Variants in NOVA1 observed in about 807,000 individuals in gnomAD.
NOVA1 encodes NOVA alternative splicing regulator 1, also known as RNA-binding protein Nova-1.
Under a neutral mutation model 38.0 loss-of-function variants are expected in NOVA1, and 7 were observed. The observed-to-expected ratio is 0.18, with a 90% CI of 0.10 to 0.35. NOVA1 has a LOEUF of 0.35. Among genes scored for constraint, NOVA1 ranks in the 10% least tolerant of loss-of-function variants. The pLI is 1.00. For synonymous variants in NOVA1, 270 were observed against 232.5 expected (o/e 1.16, Z -1.47); for missense variants, 460 against 616.0 (o/e 0.75, Z 2.68).
intron 2 of NOVA1, among the ~76,000 whole-genome samples, chr14:26,527,618 T>C (rs73601927): frequency 0.024 from 3,688 of 152,198 alleles, 139 homozygotes; most frequent in African/African-American, 0.085. Flanking sequence ...CTGGAGCCTA[T>C]AGCTAGGGGT....
Position 26,472,758 on chromosome 14 carries a change from A to T in NOVA1, c.448-367T>A, listed in dbSNP as rs2138258015. On this transcript the variant is annotated intron_variant, in intron 3 of 4. Transcript: ENST00000539517. ...AAAAATTCAAGAAGTTCAATGAATA[A>T]AACCAAAAGAGTCACTTTCCTATCG... 2.0e-5 allele frequency among the ~76,000 whole-genome samples: 3 copies of T among 152,142 alleles called. 1 individual carries two copies. The Middle Eastern group carries it at 0.01, about 517-fold the overall frequency.
At chr14:26,517,501 T>C (rs1888556113) in intron 2 of NOVA1, among the ~76,000 whole-genome samples, 1 of 152,166 alleles carries the variant, frequency 6.6e-6, no homozygotes, top group Non-Finnish European at 1.5e-5. Context: ...TTCAGGTACC[T>C]GAACATGTAA....
At chr14:26,452,636 T>A (rs996203252) in intron 4 of NOVA1, among the ~76,000 whole-genome samples, 1 of 152,144 alleles carries the variant, frequency 6.6e-6, no homozygotes, top group African/African-American at 2.4e-5. Flanking sequence ...CTGAGAAAAA[T>A]ACACATATTC....
intron 2 of NOVA1, among the ~76,000 whole-genome samples, chr14:26,495,807 C>G (rs1250250973): frequency 7.0e-6 from 1 of 143,428 alleles, no homozygotes; most frequent in Non-Finnish European, 1.5e-5. Context: ...TCATCCATGT[C>G]CCTACAAAGG....
At chr14:26,529,068 C>T (rs76154415) in intron 2 of NOVA1, among the ~76,000 whole-genome samples, 6,248 of 152,008 alleles carry the variant, frequency 0.041, 189 homozygotes, top group South Asian at 0.097. Context: ...TACTAGGAGG[C>T]ATATTTGCTC....
At chr14:26,527,310 A>G (rs1293788068) in intron 2 of NOVA1, among the ~76,000 whole-genome samples, 1 of 152,050 alleles carries the variant, frequency 6.6e-6, no homozygotes, top group African/African-American at 2.4e-5. Flanking sequence ...CAGGCTGTAC[A>G]AGTCTCACAT....
chr14:26,463,907 T>C (rs1192101725), intron 4 of NOVA1, among the ~76,000 whole-genome samples: 2 of 152,202 alleles, frequency 1.3e-5, no homozygotes, highest in African/African-American at 4.8e-5. Context: ...ATTACACTTA[T>C]ACATTACTCT....
rs12897799 is a variant in NOVA1, at chr14:26,576,217, G to C, written c.280+19193C>G. On this transcript the variant is annotated intron_variant, in intron 2 of 4. Transcript: ENST00000539517. ...ATTTTAAGCTAACTGTGTCTTCTAA[G>C]AATGATAGATTTTATTTTTATATAA... Among the ~76,000 whole-genome samples the C allele has an allele frequency of 5.3e-5, 8 of 151,302 alleles. No individual in the cohort carries two copies. The East Asian group carries it at 1.4e-3, about 26-fold the overall frequency.
At chr14:26,597,277 C>T in intron 1 of NOVA1, 24 bp downstream of exon 1, 3 of 1,230,156 alleles carry the variant, frequency 2.4e-6, no homozygotes, top group Non-Finnish European at 3.1e-6. Context: ...ATGGGGCCAG[C>T]GGGGAGGTGG....
chr14:26,565,950 TG>T (rs1375941071), intron 2 of NOVA1, among the ~76,000 whole-genome samples: 4 of 152,030 alleles, frequency 2.6e-5, no homozygotes, highest in African/African-American at 9.7e-5. Flanking sequence ...GGTATTTAAA[TG>T]AGGAGAAAGA....
intron 2 of NOVA1, among the ~76,000 whole-genome samples, chr14:26,485,198 A>AT (rs549501056): frequency 2.1e-4 from 32 of 150,008 alleles, no homozygotes; most frequent in East Asian, 9.8e-4. Context: ...CTCAACAAGT[A>AT]TTTTTTTTTT....
At chr14:26,454,685 CTTT>C (rs1271581360) in intron 4 of NOVA1, among the ~76,000 whole-genome samples, 1 of 152,062 alleles carries the variant, frequency 6.6e-6, no homozygotes, top group Non-Finnish European at 1.5e-5. Flanking sequence ...TTTTTACATT[CTTT>C]TTATATCATG....
At chr14:26,525,543 A>C (rs1352636163) in intron 2 of NOVA1, among the ~76,000 whole-genome samples, 1 of 152,162 alleles carries the variant, frequency 6.6e-6, no homozygotes, top group Non-Finnish European at 1.5e-5. Context: ...TCTGAAAGTT[A>C]TTTATGAACT....
intron 2 of NOVA1, among the ~76,000 whole-genome samples, chr14:26,586,787 T>A (rs1893540946): frequency 6.6e-6 from 1 of 151,124 alleles, no homozygotes; most frequent in Non-Finnish European, 1.5e-5. Context: ...TAACCTATGA[T>A]ATCCTTTTCT....
At chr14:26,582,045 A>T (rs181532918) in intron 2 of NOVA1, among the ~76,000 whole-genome samples, 8 of 152,010 alleles carry the variant, frequency 5.3e-5, no homozygotes, top group African/African-American at 1.9e-4. Flanking sequence ...ATTTAAAAAC[A>T]ACACAATCCC....
In NOVA1 at chr14:26,481,988, T is replaced by TTAAAAAAA. The variant is rs922159329; in HGVS notation, c.281-1846_281-1845insTTTTTTTA. Among the ~76,000 whole-genome samples, 27 of 105,982 alleles carry TTAAAAAAA rather than the reference T, an allele frequency of 2.5e-4. 1 individual carries two copies. Among genetic ancestry groups the TTAAAAAAA allele is most frequent in the South Asian group, 5.4e-4 (2 of 3,676 alleles). 69.5% of individuals were successfully genotyped at this position (105,982 alleles called of 152,430 possible). A position where few individuals can be genotyped will look rare whatever the true frequency, so the allele number is the denominator to read the frequency against. On this transcript the variant is annotated intron_variant, in intron 2 of 4. Coordinates refer to ENST00000539517, the MANE Select transcript of NOVA1 (RefSeq NM_002515.3). ...CAAAACAGTCTAACTTAGATAGAGA[T>TTAAAAAAA]AAAAAAAAAAAAAAAAAAAAAAAAA...
rs528183557 is a variant in NOVA1 at position 26,496,811 on chromosome 14, C to T, written c.281-16668G>A. ...CAAAGATCAGATAGTTGTAGATATG[C>T]GGCGTTATTTCTGAGGGCTCTGTTC... On this transcript the variant is annotated intron_variant, in intron 2 of 4. Coordinates refer to ENST00000539517, the MANE Select transcript of NOVA1 (RefSeq NM_002515.3). Among the ~76,000 whole-genome samples, 215 of 152,062 alleles carry T rather than the reference C, an allele frequency of 1.4e-3. 1 individual carries two copies. The highest frequency in any genetic ancestry group is 4.6e-3 in the African/African-American group (189 of 41,488).
intron 2 of NOVA1, among the ~76,000 whole-genome samples, chr14:26,583,031 T>C (rs1893314120): frequency 6.6e-6 from 1 of 151,754 alleles, no homozygotes; most frequent in Admixed American, 6.6e-5. Flanking sequence ...TAGCTGAAAG[T>C]GTGATAAAGC....
chr14:26,466,214 G>C (rs929377011), intron 4 of NOVA1, among the ~76,000 whole-genome samples: 1 of 152,140 alleles, frequency 6.6e-6, no homozygotes, highest in Non-Finnish European at 1.5e-5. Flanking sequence ...GGAGGCCAGT[G>C]GCAGGAAATA....
Sources: allele counts gnomAD v4.1 joint callset (sites outside exome capture counted in the v4.1 genomes callset), GRCh38; gene constraint gnomAD v4.1.1; transcripts MANE v1.5; gene names NCBI Gene and HGNC (gene_info 2026-07-23, HGNC 2026-07-21).